RASSF3: variants seen among roughly 807,000 people sequenced by gnomAD.
RASSF3 encodes Ras association domain family member 3, also known as ras association domain-containing protein 3.
A neutral mutation model predicts 19.9 loss-of-function variants in RASSF3; 19 were observed. The ratio of observed to expected loss-of-function variants is 0.96; its 90% CI spans 0.67 to 1.40. RASSF3 has a LOEUF of 1.40. Among genes scored for constraint, RASSF3 ranks in the 40% most tolerant of loss-of-function variants. The pLI is 0.00. For missense variants in RASSF3, 306 were observed against 289.8 expected, an observed-to-expected ratio of 1.06 and a Z score of -0.41; for synonymous variants, 110 against 104.2, an observed-to-expected ratio of 1.06 and a Z score of -0.34.
chr12:64,627,493 A>G (rs1029172914), intron 1 of RASSF3, among the ~76,000 whole-genome samples: 11 of 152,188 alleles, frequency 7.2e-5, no homozygotes, highest in Non-Finnish European at 1.5e-5. Flanking sequence ...GAGCTTCACA[A>G]GGGCAGACCA....
chr12:64,682,571 A>G (rs1873176629), intron 1 of RASSF3, among the ~76,000 whole-genome samples: 1 of 151,722 alleles, frequency 6.6e-6, no homozygotes, highest in African/African-American at 2.4e-5. Flanking sequence ...CGTCTCAAAA[A>G]AAAAAAAAAA....
At chr12:64,577,471 CTATAATTCCAGCACT>C (rs1345425732) in intron 2 of RASSF3, among the ~76,000 whole-genome samples, 2 of 152,298 alleles carry the variant, frequency 1.3e-5, no homozygotes, top group East Asian at 3.9e-4. Context: ...TGGCTCATGC[CTATAATTCCAGCACT>C]TTGGTAGTCC....
intron 2 of RASSF3, among the ~76,000 whole-genome samples, chr12:64,555,348 T>C (rs779584552): frequency 3.9e-5 from 6 of 152,332 alleles, no homozygotes; most frequent in Admixed American, 1.3e-4. Flanking sequence ...TGAGTAGTTA[T>C]GACTATGGGT....
intron 1 of RASSF3, among the ~76,000 whole-genome samples, chr12:64,669,448 T>TAAGACTGTGTTG (rs1872627235): frequency 1.3e-5 from 2 of 152,076 alleles, no homozygotes; most frequent in South Asian, 4.1e-4. Context: ...ATCCTGTGTT[T>TAAGACTGTGTTG]AAGACTGTGT....
intron 1 of RASSF3, chr12:64,507,506 A>C (rs890685605): frequency 3.4e-5 from 13 of 384,344 alleles, no homozygotes; most frequent in Non-Finnish European, 5.5e-5. Flanking sequence ...AAATAAAATT[A>C]AGCATTTTGA....
chr12:64,508,932 A>T (rs1314074576), intron 1 of RASSF3, among the ~76,000 whole-genome samples: 5 of 107,728 alleles, frequency 4.6e-5, no homozygotes, highest in African/African-American at 2.6e-4. Context: ...AATTCATTTA[A>T]AAAAAAAAGA....
At chr12:64,682,672 T>G (rs1873181240) in intron 1 of RASSF3, among the ~76,000 whole-genome samples, 2 of 151,974 alleles carry the variant, frequency 1.3e-5, no homozygotes, top group Admixed American at 1.3e-4. Context: ...AAGAGCCTTT[T>G]CTTACTCTAC....
Position 64,641,414 on chromosome 12 carries a change from A to ATG in RASSF3, c.111+30671_111+30672insTG, listed in dbSNP as rs1555213807. ...CTGTCTCACAGGCGCACACACACACACGCGCGCGCGCGCGTTGAAAACAAA... is the reference window on the plus strand; with the variant it reads ...CTGTCTCACAGGCGCACACACACACATGCGCGCGCGCGCGCGTTGAAAACAAA... On this transcript the variant is annotated intron_variant, in intron 1 of 4. Coordinates refer to ENST00000542104, the MANE Select transcript of RASSF3 (RefSeq NM_178169.4). 4.9e-3 allele frequency among the ~76,000 whole-genome samples: 703 copies of ATG among 142,190 alleles called. 12 individuals are homozygous for ATG. The highest frequency in any genetic ancestry group is 0.018 in the African/African-American group (653 of 35,752). 93.3% of individuals were successfully genotyped at this position (142,190 alleles called of 152,430 possible).
chr12:64,542,344 CAAAA>C (rs1868948112), downstream of RASSF3, among the ~76,000 whole-genome samples: 1 of 152,158 alleles, frequency 6.6e-6, no homozygotes, highest in Non-Finnish European at 1.5e-5. Context: ...AAAAACAAAA[CAAAA>C]GAACCTGAGC....
At chr12:64,586,601 T>C (rs1869807506) in intron 2 of RASSF3, among the ~76,000 whole-genome samples, 1 of 151,694 alleles carries the variant, frequency 6.6e-6, no homozygotes, top group South Asian at 2.1e-4. Flanking sequence ...ATTATCCTCA[T>C]TTTGCAGATG....
At chr12:64,661,733 G>A (rs1235407470) in intron 1 of RASSF3, among the ~76,000 whole-genome samples, 3 of 135,146 alleles carry the variant, frequency 2.2e-5, no homozygotes, top group Admixed American at 1.6e-4. Context: ...TCAGGCTGGA[G>A]TGCAGTGGCT....
At chr12:64,588,828 T>G (rs112565201) in intron 2 of RASSF3, among the ~76,000 whole-genome samples, 4 of 152,298 alleles carry the variant, frequency 2.6e-5, no homozygotes, top group African/African-American at 9.6e-5. Flanking sequence ...TCCATCCACT[T>G]GAGTGGGAAT....
intron 1 of RASSF3, among the ~76,000 whole-genome samples, chr12:64,620,443 T>G (rs1222042202): frequency 1.3e-5 from 2 of 152,194 alleles, no homozygotes; most frequent in African/African-American, 4.8e-5. Context: ...TCTTAAAACT[T>G]TTTGCGATAT....
At chr12:64,546,166 C>T (rs1159860243), downstream of RASSF3, among the ~76,000 whole-genome samples, 2 of 150,672 alleles carry the variant, frequency 1.3e-5, no homozygotes, top group Non-Finnish European at 2.9e-5. Flanking sequence ...TGTATATACA[C>T]GCAGGTGATA....
intron 1 of RASSF3, 38 bp downstream of exon 1, chr12:64,610,781 A>G (rs1291997794): frequency 2.8e-6 from 4 of 1,437,318 alleles, no homozygotes; most frequent in Admixed American, 3.8e-5. Flanking sequence ...CCCGCGCCCC[A>G]GAGTTCCGGG....
At chr12:64,553,124 A>G (rs549001572) in intron 2 of RASSF3, among the ~76,000 whole-genome samples, 1 of 152,170 alleles carries the variant, frequency 6.6e-6, no homozygotes, top group African/African-American at 2.4e-5. Context: ...GTCTGCCCTC[A>G]TCCTGCAGCA....
At chr12:64,526,282 T>A (rs562841411) in intron 1 of RASSF3, among the ~76,000 whole-genome samples, 2 of 152,360 alleles carry the variant, frequency 1.3e-5, no homozygotes, top group East Asian at 3.9e-4. Context: ...CTCATTAATA[T>A]ATGCATTGTC....
At chr12:64,610,388 G>C (rs979570335), upstream of RASSF3, 222 of 150,862 alleles carry the variant, frequency 1.5e-3, no homozygotes, top group Non-Finnish European at 2.5e-3. Flanking sequence ...GGGCTCGGCC[G>C]GTCGCCCGTC....
At chr12:64,512,594 G>A (rs1053495470) in intron 1 of RASSF3, among the ~76,000 whole-genome samples, 1 of 152,124 alleles carries the variant, frequency 6.6e-6, no homozygotes, top group African/African-American at 2.4e-5. Flanking sequence ...CATGCACAGA[G>A]TTCTTACTAA....
Sources: gnomAD v4.1 joint callset for allele counts (sites outside exome capture counted in the v4.1 genomes callset) on GRCh38, gnomAD v4.1.1 for gene constraint, MANE v1.5 for transcripts, NCBI Gene and HGNC (gene_info 2026-07-23, HGNC 2026-07-21) for gene names.